RTN4: variants seen among roughly 807,000 people sequenced by gnomAD.
RTN4 encodes the protein reticulon-4.
A neutral mutation model predicts 90.4 loss-of-function variants in RTN4; 32 were observed. The observed-to-expected ratio is 0.35, with a 90% CI of 0.27 to 0.48. The LOEUF (loss-of-function observed/expected upper bound fraction) is 0.48, where lower values mean the gene tolerates loss of function less well. Ranked by LOEUF, RTN4 falls within the 20% of genes least tolerant of loss-of-function variation. RTN4 has a pLI of 0.99. For missense variants in RTN4, 1,706 were observed against 1,430.2 expected, an observed-to-expected ratio of 1.19 and a Z score of -3.11; for synonymous variants, 629 against 552.5, an observed-to-expected ratio of 1.14 and a Z score of -1.94.
At chr2:55,094,590 G>A (rs1007282526) in intron 1 of RTN4, among the ~76,000 whole-genome samples, 3 of 152,168 alleles carry the variant, frequency 2.0e-5, no homozygotes, top group South Asian at 2.1e-4. Flanking sequence ...ATAGTGATAA[G>A]AGCCATGAAC....
intron 3 of RTN4, among the ~76,000 whole-genome samples, chr2:54,991,865 A>G (rs1679037276): frequency 6.6e-6 from 1 of 152,194 alleles, no homozygotes; most frequent in Non-Finnish European, 1.5e-5. Flanking sequence ...TTTTCAAGCA[A>G]TTATAAACTC....
At chr2:55,098,028 A>G (rs1425762813) in intron 1 of RTN4, among the ~76,000 whole-genome samples, 1 of 151,896 alleles carries the variant, frequency 6.6e-6, no homozygotes, top group African/African-American at 2.4e-5. Context: ...CAATTTTATC[A>G]AAGGCCATCT....
chr2:55,125,041 T>C, the RTN4 span, among the ~76,000 whole-genome samples: 1 of 152,304 alleles, frequency 6.6e-6, no homozygotes, highest in African/African-American at 2.4e-5. Flanking sequence ...ACCCCTTTCT[T>C]ATACCATACA....
At chr2:54,975,852 A>G (rs1020561832) in intron 5 of RTN4, among the ~76,000 whole-genome samples, 1 of 152,230 alleles carries the variant, frequency 6.6e-6, no homozygotes, top group African/African-American at 2.4e-5. Context: ...CCCTAACTGA[A>G]TTTAACTAAT....
At chr2:55,072,354 C>T (rs889550559) in intron 2 of RTN4, among the ~76,000 whole-genome samples, 4 of 152,046 alleles carry the variant, frequency 2.6e-5, no homozygotes, top group Non-Finnish European at 5.9e-5. Flanking sequence ...CTCAGCCTCC[C>T]GAGTAGCTGG....
intron 5 of RTN4, among the ~76,000 whole-genome samples, chr2:54,975,033 C>T (rs1677508447): frequency 6.6e-6 from 1 of 152,202 alleles, no homozygotes; most frequent in Admixed American, 6.5e-5. Flanking sequence ...ACCAAGGGTG[C>T]ATCTTACCCC....
chr2:55,114,118 T>C (rs771322406), upstream of RTN4, among the ~76,000 whole-genome samples: 2 of 152,252 alleles, frequency 1.3e-5, no homozygotes, highest in Non-Finnish European at 2.9e-5. Flanking sequence ...TAGCTAGATT[T>C]ATATTTTTCC....
At chr2:55,016,475 C>T (rs9679411) in intron 3 of RTN4, among the ~76,000 whole-genome samples, 2 of 151,880 alleles carry the variant, frequency 1.3e-5, no homozygotes, top group South Asian at 2.1e-4. Context: ...CCCAGCTACT[C>T]GGGAGGCTGA....
chr2:55,104,190 A>G (rs1377143821), intron 1 of RTN4, among the ~76,000 whole-genome samples: 2 of 151,594 alleles, frequency 1.3e-5, no homozygotes, highest in African/African-American at 2.4e-5. Context: ...AGCTAAGATT[A>G]CAGACACGCA....
intron 2 of RTN4, among the ~76,000 whole-genome samples, chr2:55,077,257 C>A (rs1178140154): frequency 6.6e-6 from 1 of 151,812 alleles, no homozygotes; most frequent in Admixed American, 6.6e-5. Context: ...TCGTGATCCT[C>A]CTGCCTCGGC....
At chr2:55,106,570 A>C (rs1431244412) in intron 1 of RTN4, among the ~76,000 whole-genome samples, 1 of 152,036 alleles carries the variant, frequency 6.6e-6, no homozygotes, top group Non-Finnish European at 1.5e-5. Flanking sequence ...CCCAGGCTGG[A>C]GTGCAGTGGC....
chr2:54,977,017 G>GAATT (rs1312836763), intron 5 of RTN4, among the ~76,000 whole-genome samples: 1 of 152,238 alleles, frequency 6.6e-6, no homozygotes, highest in Non-Finnish European at 1.5e-5. Flanking sequence ...GGCAATAAGA[G>GAATT]AATTAAATTC....
intron 3 of RTN4, chr2:55,009,971 C>CA: frequency 2.6e-6 from 3 of 1,167,530 alleles, no homozygotes; most frequent in Non-Finnish European, 3.7e-6. Context: ...CTTTAGACTT[C>CA]AACTCTTCAG....
the RTN4 span, among the ~76,000 whole-genome samples, chr2:55,126,846 TA>T: frequency 6.6e-6 from 1 of 151,992 alleles, no homozygotes; most frequent in Non-Finnish European, 1.5e-5. Context: ...TATGCAACCA[TA>T]AAAAAGAATG....
At chr2:55,071,544 A>T (rs1315679526) in intron 2 of RTN4, among the ~76,000 whole-genome samples, 1 of 6,788 alleles carries the variant, frequency 1.5e-4, no homozygotes, top group South Asian at 3.6e-3. Context: ...ATTTGCCATC[A>T]AAAAAAAAAA....
Position 55,049,999 on chromosome 2 carries a change from G to A in RTN4, c.302C>T (p.Ala101Val), listed in dbSNP as rs758659916. The stretch of plus-strand genomic sequence containing the variant: ...GTCCCAAGACGGCTGCCGCTCCGGG[G>A]CGACGGGGGGAGCGGCCGGCAGGGG... ...RGPLPAAPPV[A>V]PERQPSWDPS... Residue 101 changes from alanine to valine, a missense_variant, in exon 1 of 9, where the codon GCC becomes GTC. By Grantham distance (64) the Ala-to-Val change is moderately conservative. Coordinates refer to ENST00000337526, the MANE Select transcript of RTN4 (RefSeq NM_020532.5). 2 of 1,377,754 alleles carry A rather than the reference G, an allele frequency of 1.5e-6. No homozygotes were observed. The highest frequency in any genetic ancestry group is 1.9e-6 in the Non-Finnish European group (2 of 1,073,018). The allele number at this position is 1,377,754 out of a possible 1,614,324, so 85.3% of individuals were successfully genotyped here. A position where few individuals can be genotyped will look rare whatever the true frequency, so the allele number is the denominator to read the frequency against.
At position 55,025,525 on chromosome 2, in the gene RTN4, C is replaced by A; in HGVS notation, c.2574G>T (p.Thr858=). 2 of 1,613,680 alleles carry A rather than the reference C, an allele frequency of 1.2e-6. No homozygotes were observed. The highest frequency in any genetic ancestry group is 1.1e-5 in the South Asian group (1 of 91,074). ...TTTCAATTGGAGATGAATCTGAAAA[C>A]GTTTCAGTTTCTCTTATCTGTGCTT... The part of the protein sequence containing the change: ...SKEAQIRETE[T]FSDSSPIEII... Residue 858 remains threonine (T), a synonymous_variant, in exon 3 of 9, where the codon ACG becomes ACT. Transcript: ENST00000337526.
intron 1 of RTN4, among the ~76,000 whole-genome samples, chr2:55,081,880 A>AAAT (rs1668727036): frequency 6.6e-6 from 1 of 151,678 alleles, no homozygotes; most frequent in Admixed American, 6.6e-5. Context: ...AAAAAAAAAA[A>AAAT]ATGAGTGAGA....
At chr2:55,120,694 G>T in the RTN4 span, among the ~76,000 whole-genome samples, 1 of 152,138 alleles carries the variant, frequency 6.6e-6, no homozygotes, top group Non-Finnish European at 1.5e-5. Flanking sequence ...CTCTGACTGA[G>T]AATATAATGT....
Sources: gnomAD v4.1 joint callset for allele counts (sites outside exome capture counted in the v4.1 genomes callset) on GRCh38, gnomAD v4.1.1 for gene constraint, MANE v1.5 for transcripts, NCBI Gene and HGNC (gene_info 2026-07-23, HGNC 2026-07-21) for gene names.